The following EDNRA variants were observed in gnomAD, a reference collection of about 807,000 sequenced individuals.
EDNRA encodes endothelin receptor type A.
Under a neutral mutation model 41.4 loss-of-function variants are expected in EDNRA, and 11 were observed. That is an observed-to-expected ratio of 0.27 (90% confidence interval 0.17 to 0.44). The LOEUF is 0.44. EDNRA is among the 20% of genes least tolerant of loss of function. EDNRA has a pLI of 1.00. For missense variants in EDNRA, 294 were observed against 531.0 expected, an observed-to-expected ratio of 0.55 and a Z score of 4.39; for synonymous variants, 172 against 183.0, an observed-to-expected ratio of 0.94 and a Z score of 0.49.
At chr4:147,492,771 T>C (rs1353211169) in intron 2 of EDNRA, 3 of 152,138 alleles carry the variant, frequency 2.0e-5, no homozygotes, top group Non-Finnish European at 4.4e-5. Flanking sequence ...TAAGAATATA[T>C]GTACATATAA....
chr4:147,504,976 A>AAAAAAAAAAAAAAAAAAC (rs1360457648), intron 2 of EDNRA, among the ~76,000 whole-genome samples: 1 of 149,142 alleles, frequency 6.7e-6, no homozygotes, highest in Non-Finnish European at 1.5e-5. Context: ...AAAAAAAAAA[A>AAAAAAAAAAAAAAAAAAC]AGGATTCATA....
In EDNRA at chr4:147,540,420, A is replaced by G; in HGVS notation, c.1078A>G (p.Met360Val). ...MDYIGINLAT[M>V]NSCINPIALY... ...TTACATCGGTATTAACTTGGCAACC[A>G]TGAATTCATGTATAAACCCCATAGC... Residue 360 changes from methionine to valine, a missense_variant, in exon 7 of 8, where the codon ATG becomes GTG. This residue lies in a region of EDNRA where 185 missense variants were observed against 390.8 expected (regional missense o/e 0.47). Coordinates refer to ENST00000651419, the MANE Select transcript of EDNRA (RefSeq NM_001957.4). 1 of 1,613,868 alleles carries G rather than the reference A, an allele frequency of 6.2e-7. No homozygotes were observed. The highest frequency in any genetic ancestry group is 1.7e-5 in the Admixed American group (1 of 60,008).
intron 2 of EDNRA, among the ~76,000 whole-genome samples, chr4:147,498,674 C>T (rs1729399816): frequency 6.6e-6 from 1 of 152,190 alleles, no homozygotes. Flanking sequence ...CTGCCCTGCC[C>T]CTTCCTCTCA....
At chr4:147,483,116 G>C (rs1031902435) in intron 1 of EDNRA, among the ~76,000 whole-genome samples, 5 of 152,148 alleles carry the variant, frequency 3.3e-5, no homozygotes, top group African/African-American at 1.2e-4. Flanking sequence ...TGTTCCCTTT[G>C]GAATGGAAAT....
chr4:147,494,877 C>T (rs1470433642), intron 2 of EDNRA: 2 of 152,124 alleles, frequency 1.3e-5, no homozygotes, highest in East Asian at 1.9e-4. Context: ...ACATTCTGGC[C>T]AGGCACAGTG....
intron 2 of EDNRA, chr4:147,506,568 G>T: frequency 3.6e-6 from 1 of 278,712 alleles, no homozygotes; most frequent in Non-Finnish European, 7.2e-6. Flanking sequence ...TAAACAACAC[G>T]TTTCAGACAT....
intron 2 of EDNRA, among the ~76,000 whole-genome samples, chr4:147,505,064 T>C (rs1729644247): frequency 6.9e-6 from 1 of 145,794 alleles, no homozygotes; most frequent in Non-Finnish European, 1.5e-5. Flanking sequence ...ACAAAAGACA[T>C]GTACAGAAAT....
chr4:147,542,838 G>C lies in EDNRA; in HGVS notation c.*220G>C. On this transcript the variant is annotated 3_prime_UTR_variant, in exon 8 of 8. Coordinates refer to ENST00000651419, the MANE Select transcript of EDNRA (RefSeq NM_001957.4). ...AATTGATCTAATTTACATATTCTGC[G>C]TGTTGTATTCAGCACTAAAAAATGG... 1 of 504,778 alleles carries C rather than the reference G, an allele frequency of 2.0e-6. No homozygotes were observed. The highest frequency in any genetic ancestry group is 3.4e-6 in the Non-Finnish European group (1 of 297,340). 31.3% of individuals were successfully genotyped at this position (504,778 alleles called of 1,614,324 possible).
At chr4:147,538,276 G>T (rs574571378) in intron 5 of EDNRA, among the ~76,000 whole-genome samples, 58 of 152,166 alleles carry the variant, frequency 3.8e-4, no homozygotes, top group African/African-American at 1.3e-3. Context: ...ACCCGTCATG[G>T]GTGTGCATCA....
At chr4:147,497,330 C>T (rs929596663) in intron 2 of EDNRA, among the ~76,000 whole-genome samples, 1 of 151,454 alleles carries the variant, frequency 6.6e-6, no homozygotes, top group African/African-American at 2.4e-5. Flanking sequence ...AGCTTTAAGT[C>T]TTGTGTGGCC....
intron 4 of EDNRA, among the ~76,000 whole-genome samples, chr4:147,533,967 C>T (rs10305908): frequency 0.012 from 1,760 of 152,218 alleles, 28 homozygotes; most frequent in African/African-American, 0.041. Context: ...AGTCTGAAGT[C>T]CTGTTCTCTT....
At chr4:147,527,914 C>T (rs1192157738) in intron 3 of EDNRA, among the ~76,000 whole-genome samples, 1 of 152,186 alleles carries the variant, frequency 6.6e-6, no homozygotes, top group South Asian at 2.1e-4. Flanking sequence ...AGGTTCCCAA[C>T]TGGAACATAT....
chr4:147,496,446 C>T (rs1222513165), intron 2 of EDNRA, among the ~76,000 whole-genome samples: 1 of 152,128 alleles, frequency 6.6e-6, no homozygotes, highest in Non-Finnish European at 1.5e-5. Flanking sequence ...ACTTTTTAAA[C>T]TTTTAAATAT....
At chr4:147,517,869 T>C (rs1441868225) in intron 2 of EDNRA, among the ~76,000 whole-genome samples, 1 of 152,214 alleles carries the variant, frequency 6.6e-6, no homozygotes, top group African/African-American at 2.4e-5. Flanking sequence ...TCTGAGAGAA[T>C]CCATGTTCAT....
At chr4:147,514,958 C>T (rs897250300) in intron 2 of EDNRA, among the ~76,000 whole-genome samples, 1 of 152,142 alleles carries the variant, frequency 6.6e-6, no homozygotes, top group Non-Finnish European at 1.5e-5. Context: ...TTCTCAGGCC[C>T]TGCCCCAGAC....
At chr4:147,502,117 G>GA (rs765349291) in intron 2 of EDNRA, among the ~76,000 whole-genome samples, 30 of 152,118 alleles carry the variant, frequency 2.0e-4, no homozygotes, top group African/African-American at 7.2e-4. Flanking sequence ...AAAAAATGGT[G>GA]AAAAAATAGG....
At chr4:147,523,644 C>T (rs1730421219) in intron 3 of EDNRA, among the ~76,000 whole-genome samples, 2 of 151,836 alleles carry the variant, frequency 1.3e-5, no homozygotes, top group South Asian at 4.2e-4. Context: ...GTGCCCACCA[C>T]CACGCCCGGC....
chr4:147,525,741 G>C (rs1177194476), intron 3 of EDNRA, among the ~76,000 whole-genome samples: 1 of 152,134 alleles, frequency 6.6e-6, no homozygotes, highest in Non-Finnish European at 1.5e-5. Context: ...AAGTTGCCTG[G>C]GGAAGAAGGC....
intron 3 of EDNRA, among the ~76,000 whole-genome samples, chr4:147,532,013 G>A (rs1730758277): frequency 1.9e-5 from 2 of 103,180 alleles, no homozygotes; most frequent in Non-Finnish European, 1.8e-5. Context: ...ACAAGACTCA[G>A]TCTCAAAAAA....
Sources: gnomAD v4.1 joint callset for allele counts (sites outside exome capture counted in the v4.1 genomes callset) on GRCh38, gnomAD v4.1.1 for gene constraint, gnomAD v4.1.1 regional missense constraint, MANE v1.5 for transcripts, NCBI Gene and HGNC (gene_info 2026-07-23, HGNC 2026-07-21) for gene names.